Variants in STX8 observed in about 807,000 individuals in gnomAD.
STX8 encodes syntaxin-8.
STX8 carries 23 observed loss-of-function variants against 37.5 expected under a neutral mutation model. That is an observed-to-expected ratio of 0.61 (90% CI 0.44 to 0.87). The LOEUF is 0.87. STX8 is among the 40% of genes least tolerant of loss of function. STX8 has a pLI of 0.00. For missense variants in STX8, 313 were observed against 284.7 expected (o/e 1.10, Z -0.71); for synonymous variants, 115 against 99.1 (o/e 1.16, Z -0.95).
chr17:9,475,058 A>G (rs1322315335), intron 6 of STX8, among the ~76,000 whole-genome samples: 2 of 152,148 alleles, frequency 1.3e-5, no homozygotes, highest in Admixed American at 6.5e-5. Context: ...TATAGATACT[A>G]TGACCTGGTA....
chr17:9,359,938 C>T (rs1313514155), intron 7 of STX8, among the ~76,000 whole-genome samples: 2 of 151,986 alleles, frequency 1.3e-5, no homozygotes, highest in Non-Finnish European at 2.9e-5. Flanking sequence ...TCATTCTGTG[C>T]TTTGGGAGGG....
chr17:9,521,843 A>G (rs1905348913), intron 4 of STX8, among the ~76,000 whole-genome samples: 1 of 152,228 alleles, frequency 6.6e-6, no homozygotes, highest in South Asian at 2.1e-4. Flanking sequence ...TCTTCCTTAC[A>G]TAATATCCAA....
chr17:9,532,153 C>T (rs1905844830), intron 4 of STX8, among the ~76,000 whole-genome samples: 1 of 150,042 alleles, frequency 6.7e-6, no homozygotes, highest in East Asian at 1.9e-4. Context: ...TTTCCTATCC[C>T]ATGGTGAGGG....
chr17:9,365,457 G>A (rs1337952378), intron 7 of STX8, among the ~76,000 whole-genome samples: 1 of 152,216 alleles, frequency 6.6e-6, no homozygotes, highest in Non-Finnish European at 1.5e-5. Flanking sequence ...CTTATTTTGG[G>A]ACAAAGAACA....
chr17:9,414,589 ACTGT>A (rs1204796340), intron 6 of STX8, among the ~76,000 whole-genome samples: 10 of 152,006 alleles, frequency 6.6e-5, no homozygotes, highest in African/African-American at 1.7e-4. Flanking sequence ...GACAGAGTAA[ACTGT>A]CTGAGGTACT....
At chr17:9,531,821 G>GC (rs1567599882) in intron 4 of STX8, among the ~76,000 whole-genome samples, 1 of 147,460 alleles carries the variant, frequency 6.8e-6, no homozygotes, top group East Asian at 2.0e-4. Context: ...CAGATTTCAT[G>GC]TTTTTTTTTT....
intron 7 of STX8, among the ~76,000 whole-genome samples, chr17:9,262,337 CTCCAGG>C (rs1234282236): frequency 1.3e-5 from 2 of 152,148 alleles, no homozygotes; most frequent in African/African-American, 4.8e-5. Flanking sequence ...AGGTTCTCTT[CTCCAGG>C]GATTTTGGAT....
rs149631075 is a variant in STX8, at chr17:9,324,086, C to CCT, written c.643+54464_643+54465dup. Among the ~76,000 whole-genome samples, 1,240 of 144,010 alleles carry CCT rather than the reference C, an allele frequency of 8.6e-3. 7 individuals are homozygous for CCT. The highest frequency in any genetic ancestry group is 0.022 in the African/African-American group (838 of 38,958). The allele number at this position is 144,010 out of a possible 152,430, so 94.5% of individuals were successfully genotyped here. ...GACTTGCTCAAGGTCTCAGGGCATC[C>CCT]CTCTCTCTCTCTCTCTCTCTCTGTC... On this transcript the variant is annotated intron_variant, in intron 7 of 7. Transcript: ENST00000306357.
At chr17:9,250,702 C>T (rs1352497147) in intron 7 of STX8, 57 bp from the exon 8 acceptor site, 1 of 1,509,568 alleles carries the variant, frequency 6.6e-7, no homozygotes, top group Non-Finnish European at 9.0e-7. Context: ...AAAAGCATCA[C>T]ACATTCTGAG....
At chr17:9,552,171 G>A (rs1469783322) in intron 3 of STX8, among the ~76,000 whole-genome samples, 2 of 151,978 alleles carry the variant, frequency 1.3e-5, no homozygotes, top group Non-Finnish European at 2.9e-5. Flanking sequence ...GCAACATGGC[G>A]AGACCCCATC....
intron 6 of STX8, among the ~76,000 whole-genome samples, chr17:9,455,174 C>T (rs1905151727): frequency 6.6e-6 from 1 of 152,054 alleles, no homozygotes; most frequent in South Asian, 2.1e-4. Context: ...TGCACTCCAG[C>T]CTGGGTGACA....
chr17:9,544,802 C>G (rs1320893693), intron 4 of STX8, among the ~76,000 whole-genome samples: 2 of 152,102 alleles, frequency 1.3e-5, no homozygotes, highest in African/African-American at 4.8e-5. Flanking sequence ...ACCATCCTGA[C>G]TAATACGGTG....
At chr17:9,346,558 A>G (rs1462854667) in intron 7 of STX8, among the ~76,000 whole-genome samples, 1 of 152,298 alleles carries the variant, frequency 6.6e-6, no homozygotes, top group Middle Eastern at 3.4e-3. Context: ...AAAACTCAAA[A>G]ACTTTATCCA....
intron 6 of STX8, among the ~76,000 whole-genome samples, chr17:9,430,162 AATAT>A (rs368989841): frequency 2.4e-3 from 188 of 78,200 alleles, no homozygotes; most frequent in South Asian, 5.2e-3. Context: ...TAAAATATAA[AATAT>A]ATATAATTTA....
intron 6 of STX8, among the ~76,000 whole-genome samples, chr17:9,401,328 C>T (rs1341435193): frequency 6.6e-6 from 1 of 152,094 alleles, no homozygotes; most frequent in Non-Finnish European, 1.5e-5. Flanking sequence ...ACTCTGTTTT[C>T]AGTCGATTTC....
At chr17:9,516,978 A>G (rs1905176893) in intron 4 of STX8, among the ~76,000 whole-genome samples, 1 of 152,180 alleles carries the variant, frequency 6.6e-6, no homozygotes, top group South Asian at 2.1e-4. Context: ...ATTGGGGAGT[A>G]AGTGGGGAAG....
chr17:9,255,760 C>T (rs1359081176), intron 7 of STX8, among the ~76,000 whole-genome samples: 1 of 152,088 alleles, frequency 6.6e-6, no homozygotes, highest in African/African-American at 2.4e-5. Flanking sequence ...CTTAAGTAAA[C>T]TGGTATATAC....
At chr17:9,307,410 C>T (rs190720157) in intron 7 of STX8, among the ~76,000 whole-genome samples, 13 of 152,156 alleles carry the variant, frequency 8.5e-5, no homozygotes, top group African/African-American at 1.9e-4. Context: ...GTCTTCCTCT[C>T]GGGTCAGCCA....
chr17:9,301,747 C>G (rs1374828576), intron 7 of STX8, among the ~76,000 whole-genome samples: 1 of 152,026 alleles, frequency 6.6e-6, no homozygotes, highest in Non-Finnish European at 1.5e-5. Context: ...TCTCGGCCTC[C>G]CAAAGTGTTG....
Sources: gnomAD v4.1 joint callset for allele counts (sites outside exome capture counted in the v4.1 genomes callset) on GRCh38, gnomAD v4.1.1 for gene constraint, MANE v1.5 for transcripts, NCBI Gene and HGNC (gene_info 2026-07-23, HGNC 2026-07-21) for gene names.